The following SLC35A1 variants were observed in gnomAD, a reference collection of about 807,000 sequenced individuals.
SLC35A1 encodes solute carrier family 35 member A1, also known as CMP-sialic acid transporter.
Under a neutral mutation model 40.3 loss-of-function variants are expected in SLC35A1, and 21 were observed. The ratio of observed to expected loss-of-function variants is 0.52; its 90% CI spans 0.37 to 0.75. The LOEUF is 0.75. Among genes scored for constraint, SLC35A1 ranks in the 30% least tolerant of loss-of-function variants. The pLI is 0.00. For missense variants in SLC35A1, 297 were observed against 382.1 expected (o/e 0.78, Z 1.86); for synonymous variants, 146 against 147.3 (o/e 0.99, Z 0.06).
intron 2 of SLC35A1, among the ~76,000 whole-genome samples, chr6:87,497,726 A>G (rs1769778815): frequency 6.6e-6 from 1 of 151,586 alleles, no homozygotes; most frequent in Non-Finnish European, 1.5e-5. Context: ...CTAATGTCTT[A>G]TTTTTTTCTT....
intron 2 of SLC35A1, among the ~76,000 whole-genome samples, chr6:87,493,367 A>G (rs1487759715): frequency 1.3e-5 from 2 of 152,164 alleles, no homozygotes; most frequent in Admixed American, 6.5e-5. Flanking sequence ...CATTTGGTAT[A>G]CACATTGATA....
At position 87,505,912 on chromosome 6, in the gene SLC35A1, A is replaced by C. The variant is rs188640157; in HGVS notation, c.508-470A>C. Among the ~76,000 whole-genome samples the C allele has an allele frequency of 2.3e-3, 348 of 152,334 alleles. 10 individuals carry two copies. Among genetic ancestry groups the C allele is most frequent in the Non-Finnish European group, 4.6e-4 (31 of 68,024 alleles). ...TGTGTATAGACAATGTATCTGGTAC[A>C]CAGAAGGTATACTAAAAATTCAATA... On this transcript the variant is annotated intron_variant, in intron 4 of 7. Coordinates refer to ENST00000369552, the MANE Select transcript of SLC35A1 (RefSeq NM_006416.5).
At chr6:87,507,771 C>T (rs977148210) in intron 5 of SLC35A1, among the ~76,000 whole-genome samples, 4 of 136,212 alleles carry the variant, frequency 2.9e-5, no homozygotes, top group Non-Finnish European at 6.7e-5. Flanking sequence ...ATCATGTACT[C>T]CTTTGAAGTA....
intron 2 of SLC35A1, among the ~76,000 whole-genome samples, chr6:87,478,926 C>T (rs899943260): frequency 2.0e-5 from 3 of 152,160 alleles, no homozygotes; most frequent in Non-Finnish European, 2.9e-5. Flanking sequence ...GCCTCTATGG[C>T]TCTGTCGTTC....
intron 2 of SLC35A1, among the ~76,000 whole-genome samples, chr6:87,484,063 C>T (rs1300049501): frequency 1.3e-5 from 2 of 152,218 alleles, no homozygotes; most frequent in East Asian, 3.8e-4. Flanking sequence ...AAGTACTTTA[C>T]TGGCTCCCGT....
In SLC35A1 at chr6:87,511,511, A is replaced by T. The variant is rs760453626; in HGVS notation, c.999A>T (p.Arg333Ser). The T allele has an allele frequency of 6.2e-7, 1 of 1,614,020 alleles. No homozygotes were observed. The highest frequency in any genetic ancestry group is 8.5e-7 in the Non-Finnish European group (1 of 1,179,956). Residue 333 changes from arginine to serine, a missense_variant, in exon 8 of 8, where the codon AGA becomes AGT. Transcript: ENST00000369552. ...AAGGAGAAACAGCTTCAAAGGAGAG[A>T]GTTATTGGTGTGTGATTTTAGCCTC... ...IQQGETASKE[R>S]VIGV is the part of the protein sequence containing the mutation.
In SLC35A1 at chr6:87,511,924, G is replaced by C. The variant is rs1401218963; in HGVS notation, c.*398G>C. ...CTAACTGTTCTCTTGTTCCGGTACC[G>C]GGGAGAAGGATGACCCCTCCTTATT... On this transcript the variant is annotated 3_prime_UTR_variant, in exon 8 of 8. Coordinates refer to ENST00000369552, the MANE Select transcript of SLC35A1 (RefSeq NM_006416.5). 1 of 257,778 alleles carries C rather than the reference G, an allele frequency of 3.9e-6. No homozygotes were observed. The highest frequency in any genetic ancestry group is 9.6e-5 in the East Asian group (1 of 10,430). 16.0% of individuals were successfully genotyped at this position (257,778 alleles called of 1,614,324 possible). A position where few individuals can be genotyped will look rare whatever the true frequency, so the allele number is the denominator to read the frequency against.
At chr6:87,483,566 G>C (rs139801289) in intron 2 of SLC35A1, among the ~76,000 whole-genome samples, 123 of 152,176 alleles carry the variant, frequency 8.1e-4, no homozygotes, top group African/African-American at 2.6e-3. Flanking sequence ...TTAGCGGAAG[G>C]CTCAACCCAT....
At chr6:87,481,072 A>G (rs897440044) in intron 2 of SLC35A1, among the ~76,000 whole-genome samples, 1 of 152,212 alleles carries the variant, frequency 6.6e-6, no homozygotes, top group Non-Finnish European at 1.5e-5. Flanking sequence ...AGGAAAGTGG[A>G]AGATAAACCA....
intron 2 of SLC35A1, among the ~76,000 whole-genome samples, chr6:87,486,109 G>A (rs1041143106): frequency 3.2e-4 from 48 of 152,082 alleles, no homozygotes; most frequent in Non-Finnish European, 1.2e-4. Context: ...TCTCATTATA[G>A]AGCAGTCCAT....
intron 2 of SLC35A1, among the ~76,000 whole-genome samples, chr6:87,487,853 T>A (rs1202446862): frequency 6.6e-6 from 1 of 152,106 alleles, no homozygotes; most frequent in East Asian, 1.9e-4. Flanking sequence ...ACTCTGCACA[T>A]GTCTGCCAAT....
chr6:87,485,015 C>CT (rs1769354760), intron 2 of SLC35A1, among the ~76,000 whole-genome samples: 1 of 152,260 alleles, frequency 6.6e-6, no homozygotes, highest in South Asian at 2.1e-4. Flanking sequence ...TCCAGGTACT[C>CT]TGAGTGTTGT....
intron 4 of SLC35A1, 125 bp from the exon 5 acceptor site, chr6:87,506,257 G>T: frequency 1.3e-6 from 1 of 764,430 alleles, no homozygotes; most frequent in Non-Finnish European, 2.3e-6. Context: ...CTGTAGAATA[G>T]CTGTGTCTGA....
intron 2 of SLC35A1, among the ~76,000 whole-genome samples, chr6:87,486,010 T>C (rs1036231527): frequency 6.6e-6 from 1 of 152,222 alleles, no homozygotes; most frequent in African/African-American, 2.4e-5. Context: ...GCCCATTCTT[T>C]ACACTGTGAT....
intron 2 of SLC35A1, among the ~76,000 whole-genome samples, chr6:87,497,446 T>G (rs1769765706): frequency 6.6e-6 from 1 of 152,192 alleles, no homozygotes; most frequent in African/African-American, 2.4e-5. Flanking sequence ...CGCACTGTAC[T>G]TTACTTTTTG....
At chr6:87,480,934 C>A (rs934967227) in intron 2 of SLC35A1, among the ~76,000 whole-genome samples, 12 of 152,148 alleles carry the variant, frequency 7.9e-5, no homozygotes, top group Admixed American at 2.6e-4. Flanking sequence ...AGGTAGGGTC[C>A]TTCTCAGGCT....
At chr6:87,492,069 A>G (rs1769566898) in intron 2 of SLC35A1, among the ~76,000 whole-genome samples, 1 of 152,212 alleles carries the variant, frequency 6.6e-6, no homozygotes, top group African/African-American at 2.4e-5. Context: ...AGTAAGATTT[A>G]GACAAGATGC....
At chr6:87,488,009 A>C (rs1339173579) in intron 2 of SLC35A1, 1 of 152,234 alleles carries the variant, frequency 6.6e-6, no homozygotes, top group Admixed American at 6.5e-5. Flanking sequence ...TGTGTTTCCT[A>C]GTATAAACAA....
intron 7 of SLC35A1, 100 bp from the exon 8 acceptor site, chr6:87,511,299 A>G (rs1770261908): frequency 1.6e-6 from 2 of 1,241,834 alleles, no homozygotes; most frequent in Non-Finnish European, 2.3e-6. Flanking sequence ...ATGATCTGAT[A>G]GTGTAAACCC....
Sources: allele counts gnomAD v4.1 joint callset (sites outside exome capture counted in the v4.1 genomes callset), GRCh38; gene constraint gnomAD v4.1.1; transcripts MANE v1.5; gene names NCBI Gene and HGNC (gene_info 2026-07-23, HGNC 2026-07-21).